The following SLAMF6 variants were observed in gnomAD, a reference collection of about 807,000 sequenced individuals.
SLAMF6 encodes the protein SLAM family member 6.
A neutral mutation model predicts 38.3 loss-of-function variants in SLAMF6; 21 were observed. That is an observed-to-expected ratio of 0.55 (90% CI 0.39 to 0.79). The LOEUF (loss-of-function observed/expected upper bound fraction) is 0.79. Ranked by LOEUF, SLAMF6 falls within the 30% of genes least tolerant of loss-of-function variation. The probability of loss-of-function intolerance (pLI) is 0.00; values close to 1 mark genes in which losing one functional copy is unlikely to be tolerated. For synonymous variants in SLAMF6, 152 were observed against 146.3 expected, an observed-to-expected ratio of 1.04 and a Z score of -0.28; for missense variants, 341 against 385.3, an observed-to-expected ratio of 0.89 and a Z score of 0.96.
rs192487036 is a variant in SLAMF6 at position 160,505,230 on chromosome 1, G to C, written c.50-8837C>G. Among the ~76,000 whole-genome samples, 12 of 152,240 alleles carry C rather than the reference G, an allele frequency of 7.9e-5. No individual in the cohort carries two copies. In the East Asian group the frequency reaches 1.2e-3, roughly 15 times the overall value. Reference sequence around the variant, plus strand: ...GGAACAAAACAAAATACTGAGGAAGGGGAAGAGTCTGATTTCCAGAGTTAT... The same window carrying C: ...GGAACAAAACAAAATACTGAGGAAGCGGAAGAGTCTGATTTCCAGAGTTAT... On this transcript the variant is annotated intron_variant, in intron 1 of 7. Transcript: ENST00000368057.
At chr1:160,504,792 G>A (rs1208416213) in intron 1 of SLAMF6, among the ~76,000 whole-genome samples, 2 of 152,208 alleles carry the variant, frequency 1.3e-5, no homozygotes, top group African/African-American at 2.4e-5. Flanking sequence ...AAGATTCTTA[G>A]AAGAATTCAG....
intron 1 of SLAMF6, among the ~76,000 whole-genome samples, chr1:160,497,012 C>G (rs1653620614): frequency 6.6e-6 from 1 of 152,020 alleles, no homozygotes; most frequent in African/African-American, 2.4e-5. Context: ...CTAATTTTCC[C>G]AGGGTTGCAC....
chr1:160,492,937 T>A (rs1264009350), intron 2 of SLAMF6, among the ~76,000 whole-genome samples: 2 of 152,208 alleles, frequency 1.3e-5, no homozygotes, highest in African/African-American at 4.8e-5. Context: ...CAACTCTTGT[T>A]TGGACTATTG....
Position 160,501,916 on chromosome 1 carries a change from T to G in SLAMF6, c.50-5523A>C, listed in dbSNP as rs531478195. Reference sequence around the variant, plus strand: ...CACAGGATGGATGAGATGGTAGGAATAGTTCCCCACAGACCCAAAACCAAA... The same window carrying G: ...CACAGGATGGATGAGATGGTAGGAAGAGTTCCCCACAGACCCAAAACCAAA... On this transcript the variant is annotated intron_variant, in intron 1 of 7. Transcript: ENST00000368057. Among the ~76,000 whole-genome samples, 3 of 152,220 alleles carry G rather than the reference T, an allele frequency of 2.0e-5. No homozygotes were observed. In the South Asian group the frequency reaches 6.3e-4, roughly 32 times the overall value.
At chr1:160,516,221 G>C (rs1166840711) in intron 1 of SLAMF6, among the ~76,000 whole-genome samples, 1 of 152,078 alleles carries the variant, frequency 6.6e-6, no homozygotes, top group Middle Eastern at 3.2e-3. Context: ...GGCAAGCAGA[G>C]AACCAAATCA....
chr1:160,520,930 A>ATTTCCT (rs1442364480), intron 1 of SLAMF6, among the ~76,000 whole-genome samples: 2 of 152,084 alleles, frequency 1.3e-5, no homozygotes, highest in Non-Finnish European at 1.5e-5. Context: ...AATCTTCTTC[A>ATTTCCT]TTTGACTTTT....
At chr1:160,499,735 AG>A (rs1653783160) in intron 1 of SLAMF6, among the ~76,000 whole-genome samples, 1 of 152,252 alleles carries the variant, frequency 6.6e-6, no homozygotes, top group South Asian at 2.1e-4. Context: ...TTCTTATAGG[AG>A]GAGCTGAATA....
chr1:160,490,734 C>A, intron 3 of SLAMF6, 49 bp from the exon 4 acceptor site: 2 of 1,599,948 alleles, frequency 1.3e-6, no homozygotes, highest in South Asian at 1.1e-5. Context: ...AAGTGAGGCC[C>A]ACTGTTCTTG....
intron 5 of SLAMF6, 57 bp downstream of exon 5, chr1:160,490,141 T>A: frequency 6.3e-7 from 1 of 1,582,450 alleles, no homozygotes; most frequent in South Asian, 1.1e-5. Flanking sequence ...CCCTCTCTCT[T>A]CCATTTGGCT....
intron 1 of SLAMF6, among the ~76,000 whole-genome samples, chr1:160,512,842 C>A (rs1054543122): frequency 2.6e-5 from 4 of 152,086 alleles, no homozygotes; most frequent in South Asian, 2.1e-4. Context: ...AAAGTCCCCA[C>A]AAAAAGCCCA....
chr1:160,515,165 T>C (rs1654677081), intron 1 of SLAMF6, among the ~76,000 whole-genome samples: 1 of 151,958 alleles, frequency 6.6e-6, no homozygotes, highest in Non-Finnish European at 1.5e-5. Flanking sequence ...CAATAAAAAA[T>C]GTTAAAAGAG....
intron 1 of SLAMF6, among the ~76,000 whole-genome samples, chr1:160,513,672 A>G (rs117718107): frequency 0.013 from 1,913 of 152,350 alleles, 56 homozygotes; most frequent in East Asian, 0.11. Context: ...TCTCAGCAGA[A>G]ACTTTACAAG....
chr1:160,495,955 C>T (rs1653553308), intron 2 of SLAMF6, 106 bp downstream of exon 2: 1 of 1,013,168 alleles, frequency 9.9e-7, no homozygotes, highest in African/African-American at 1.6e-5. Flanking sequence ...CTCCAAATGC[C>T]ATATTCTTTA....
chr1:160,511,192 G>T (rs1654457064), intron 1 of SLAMF6, among the ~76,000 whole-genome samples: 1 of 151,862 alleles, frequency 6.6e-6, no homozygotes, highest in Non-Finnish European at 1.5e-5. Flanking sequence ...TCAAAATGTT[G>T]ATTTTTTTTC....
In SLAMF6 at chr1:160,502,861, G is replaced by C. The variant is rs143868861; in HGVS notation, c.50-6468C>G. Among the ~76,000 whole-genome samples, 113 of 152,250 alleles carry C rather than the reference G, an allele frequency of 7.4e-4. No individual in the cohort carries two copies. The South Asian group carries it at 7.5e-3, about 10-fold the overall frequency. Reference sequence around the variant, plus strand: ...GGCTGATTTCTCAAGAGAATTTAAAGAGAAGGGAGGAGAAACATAGTCAGG... The same window carrying C: ...GGCTGATTTCTCAAGAGAATTTAAACAGAAGGGAGGAGAAACATAGTCAGG... On this transcript the variant is annotated intron_variant, in intron 1 of 7. Transcript: ENST00000368057.
chr1:160,509,178 C>T (rs1232482328), intron 1 of SLAMF6, among the ~76,000 whole-genome samples: 6 of 152,204 alleles, frequency 3.9e-5, no homozygotes, highest in Admixed American at 2.0e-4. Flanking sequence ...GATTATAAAT[C>T]ATGCTACTGT....
rs772604999 is a variant in SLAMF6, at chr1:160,489,040, A to C, written c.879+48T>G. 3.8e-5 allele frequency: 57 copies of C among 1,515,126 alleles called. No individual in the cohort carries two copies. In the South Asian group the frequency reaches 6.1e-4, roughly 16 times the overall value. 93.9% of individuals were successfully genotyped at this position (1,515,126 alleles called of 1,614,324 possible). The stretch of plus-strand genomic sequence containing the variant: ...GGTTATGGTGACAAGTTTGTGAACA[A>C]TGGCTGTAAAACTGACAACAATGGC... On this transcript the variant is annotated intron_variant, in intron 6 of 7. Coordinates refer to ENST00000368057, the MANE Select transcript of SLAMF6 (RefSeq NM_001184714.2).
At chr1:160,490,347 A>T in intron 4 of SLAMF6, 111 bp from the exon 5 acceptor site, 1 of 1,538,938 alleles carries the variant, frequency 6.5e-7, no homozygotes, top group East Asian at 2.3e-5. Flanking sequence ...AAGGAAGGGC[A>T]AGCAGCCCTG....
chr1:160,486,210 A>T lies in SLAMF6; in HGVS notation c.*497T>A, dbSNP rs1419429668. On this transcript the variant is annotated 3_prime_UTR_variant, in exon 8 of 8. Coordinates refer to ENST00000368057, the MANE Select transcript of SLAMF6 (RefSeq NM_001184714.2). ...TGCAAATATTCCAAAATCTGAAAAA[A>T]AATTGAAATCTGAAACATTTCTAAT... The T allele has an allele frequency of 6.5e-6, 1 of 152,902 alleles. No individual in the cohort carries two copies. The highest frequency in any genetic ancestry group is 1.5e-5 in the Non-Finnish European group (1 of 68,282). The allele number at this position is 152,902 out of a possible 1,614,324, so 9.5% of individuals were successfully genotyped here. A position where few individuals can be genotyped will look rare whatever the true frequency, so the allele number is the denominator to read the frequency against.
Sources: allele counts gnomAD v4.1 joint callset (sites outside exome capture counted in the v4.1 genomes callset), GRCh38; gene constraint gnomAD v4.1.1; transcripts MANE v1.5; gene names NCBI Gene and HGNC (gene_info 2026-07-23, HGNC 2026-07-21).